The following KIRREL3 variants were observed in gnomAD, a reference collection of about 807,000 sequenced individuals.
KIRREL3 encodes the protein kirre like nephrin family adhesion molecule 3.
In KIRREL3, 36 loss-of-function variants were observed where a neutral mutation model predicts 89.7. The observed-to-expected ratio is 0.40, with a 90% CI of 0.31 to 0.53. The LOEUF (loss-of-function observed/expected upper bound fraction) is 0.53, where lower values mean the gene tolerates loss of function less well. Among genes scored for constraint, KIRREL3 ranks in the 20% least tolerant of loss-of-function variants. The probability of loss-of-function intolerance (pLI) is 0.49; values close to 1 mark genes in which losing one functional copy is unlikely to be tolerated. For synonymous variants in KIRREL3, 445 were observed against 441.4 expected, an observed-to-expected ratio of 1.01 and a Z score of -0.10; for missense variants, 864 against 1,056.6, an observed-to-expected ratio of 0.82 and a Z score of 2.53.
intron 10 of KIRREL3, among the ~76,000 whole-genome samples, chr11:126,442,684 A>G (rs1955627010): frequency 1.3e-5 from 2 of 152,206 alleles, no homozygotes; most frequent in Admixed American, 6.5e-5. Context: ...GGTCCCATCC[A>G]CTGGGCGTCC....
chr11:126,649,451 G>A (rs1382325498), intron 1 of KIRREL3, among the ~76,000 whole-genome samples: 1 of 152,282 alleles, frequency 6.6e-6, no homozygotes, highest in South Asian at 2.1e-4. Flanking sequence ...TTACTCCCTA[G>A]ATAAAATGAG....
chr11:126,949,366 C>G (rs1220061406), intron 1 of KIRREL3, among the ~76,000 whole-genome samples: 1 of 152,150 alleles, frequency 6.6e-6, no homozygotes, highest in Non-Finnish European at 1.5e-5. Flanking sequence ...CAGAACTGCT[C>G]TAAAGGGACT....
intron 8 of KIRREL3, among the ~76,000 whole-genome samples, chr11:126,448,279 C>CAAAAAAAAAAAA (rs55787866): frequency 1.0e-5 from 1 of 95,378 alleles, no homozygotes; most frequent in African/African-American, 4.1e-5. Flanking sequence ...GAGACTGTCT[C>CAAAAAAAAAAAA]AAAAAAAAAA....
At position 126,569,578 on chromosome 11, in the gene KIRREL3, A is replaced by T. The variant is rs4347407; in HGVS notation, c.56-6666T>A. 6.6e-6 allele frequency among the ~76,000 whole-genome samples: 1 copy of T among 152,224 alleles called. No individual in the cohort carries two copies. Among genetic ancestry groups the T allele is most frequent in the Admixed American group, 6.5e-5 (1 of 15,284 alleles). ...ATACTATAATCCAGTTGGCTATACAAGACATATACTTAAGAAAAGGTAACT... is the reference window on the plus strand; with the variant it reads ...ATACTATAATCCAGTTGGCTATACATGACATATACTTAAGAAAAGGTAACT... On this transcript the variant is annotated intron_variant, in intron 1 of 16. Coordinates refer to ENST00000525144, the MANE Select transcript of KIRREL3 (RefSeq NM_032531.4). The surrounding 1 kb of genome is among the most constrained non-coding windows in gnomAD (Gnocchi z 6.5).
chr11:126,538,080 G>A (rs568517174), intron 2 of KIRREL3, among the ~76,000 whole-genome samples: 65 of 152,028 alleles, frequency 4.3e-4, no homozygotes, highest in Non-Finnish European at 8.2e-4. Flanking sequence ...GAGAATGGAG[G>A]CTTTGCAAAT....
At chr11:126,984,930 C>A (rs1312543214) in intron 1 of KIRREL3, among the ~76,000 whole-genome samples, 3 of 152,142 alleles carry the variant, frequency 2.0e-5, no homozygotes, top group African/African-American at 7.2e-5. Flanking sequence ...ACTTTCCCAC[C>A]CACTACCTGT....
rs1400874237 is a variant in KIRREL3 at position 126,776,159 on chromosome 11, A to G, written c.56-213247T>C. Among the ~76,000 whole-genome samples, 2 of 152,116 alleles carry G rather than the reference A, an allele frequency of 1.3e-5. No homozygotes were observed. Among genetic ancestry groups the G allele is most frequent in the Admixed American group, 1.3e-4 (2 of 15,276 alleles). ...TCTGCCGGGAGCCCTGACCTCTAGA[A>G]GCTGGTCCAGGCTGGTTGGCAGGTG... On this transcript the variant is annotated intron_variant, in intron 1 of 16. Transcript: ENST00000525144. The surrounding 1 kb of genome is among the most constrained non-coding windows in gnomAD (Gnocchi z 4.7).
intron 1 of KIRREL3, among the ~76,000 whole-genome samples, chr11:126,951,786 C>A (rs1393911859): frequency 6.6e-6 from 1 of 152,200 alleles, no homozygotes; most frequent in Non-Finnish European, 1.5e-5. Context: ...GTGACAGAAA[C>A]AAAGGCAGGA....
At position 126,490,931 on chromosome 11, in the gene KIRREL3, T is replaced by G. The variant is rs150735684; in HGVS notation, c.434-17465A>C. On this transcript the variant is annotated intron_variant, in intron 4 of 16. Transcript: ENST00000525144. This position sits in a 1 kb window ranked among gnomAD's most constrained non-coding sequence, Gnocchi z 4.2. ...CTTAAGGGTGCAGGGGGTCCACAAA[T>G]GCCTGAGGATCCACAGCCCACCTGC... Among the ~76,000 whole-genome samples the G allele has an allele frequency of 1.6e-4, 24 of 152,226 alleles. No homozygotes were observed. The East Asian group carries it at 3.7e-3, about 23-fold the overall frequency.
rs185295245 is a variant in KIRREL3 at position 126,666,177 on chromosome 11, G to T, written c.56-103265C>A. Among the ~76,000 whole-genome samples the T allele has an allele frequency of 2.4e-4, 37 of 152,326 alleles. 1 individual carries two copies. Among genetic ancestry groups the T allele is most frequent in the Admixed American group, 2.4e-3 (36 of 15,306 alleles). On this transcript the variant is annotated intron_variant, in intron 1 of 16. Coordinates refer to ENST00000525144, the MANE Select transcript of KIRREL3 (RefSeq NM_032531.4). The surrounding 1 kb of genome is among the most constrained non-coding windows in gnomAD (Gnocchi z 4.2). ...AATAAATAAGTGCAGCAGGATCTTG[G>T]TTCCGCAGGAAGAGTGTGGATTCTT...
intron 1 of KIRREL3, among the ~76,000 whole-genome samples, chr11:126,972,565 G>C (rs921177343): frequency 2.6e-5 from 4 of 152,196 alleles, no homozygotes; most frequent in Admixed American, 2.6e-4. Flanking sequence ...ACACAGTCAC[G>C]TTACTGAAGG....
intron 1 of KIRREL3, among the ~76,000 whole-genome samples, chr11:126,670,102 G>A (rs1007949726): frequency 1.3e-5 from 2 of 152,092 alleles, no homozygotes; most frequent in African/African-American, 2.4e-5. Context: ...CACTGCCACT[G>A]TTCCAGTCCA....
chr11:126,688,427 T>C (rs1257685512), intron 1 of KIRREL3, among the ~76,000 whole-genome samples: 1 of 152,234 alleles, frequency 6.6e-6, no homozygotes, highest in Non-Finnish European at 1.5e-5. Flanking sequence ...GTTGGAAACT[T>C]CTCAAATATT....
intron 2 of KIRREL3, among the ~76,000 whole-genome samples, chr11:126,536,097 G>C (rs1251983692): frequency 6.6e-6 from 1 of 152,196 alleles, no homozygotes; most frequent in Non-Finnish European, 1.5e-5. Flanking sequence ...AGGGGACAGA[G>C]TGAGACTCCA....
At chr11:126,699,690 C>A (rs972407464) in intron 1 of KIRREL3, among the ~76,000 whole-genome samples, 10 of 152,086 alleles carry the variant, frequency 6.6e-5, no homozygotes, top group Non-Finnish European at 1.0e-4. Flanking sequence ...ATGCTCACTG[C>A]CACATGTGGC....
Position 126,917,408 on chromosome 11 carries a change from T to G in KIRREL3, c.55+83047A>C, listed in dbSNP as rs1947083706. 6.6e-6 allele frequency among the ~76,000 whole-genome samples: 1 copy of G among 152,164 alleles called. No homozygotes were observed. Among genetic ancestry groups the G allele is most frequent in the Admixed American group, 6.5e-5 (1 of 15,280 alleles). ...TGGTTGCACAACATTGTCAATATAG[T>G]TAATGCCACTAAACCGTATACTTAA... is the stretch of plus-strand genomic sequence containing the variant. On this transcript the variant is annotated intron_variant, in intron 1 of 16. Coordinates refer to ENST00000525144, the MANE Select transcript of KIRREL3 (RefSeq NM_032531.4). The surrounding 1 kb of genome is among the most constrained non-coding windows in gnomAD (Gnocchi z 5.0).
chr11:126,431,279 A>T lies in KIRREL3; in HGVS notation c.1696+140T>A. 6.5e-7 allele frequency: 1 copy of T among 1,549,550 alleles called. No individual in the cohort carries two copies. The highest frequency in any genetic ancestry group is 8.7e-7 in the Non-Finnish European group (1 of 1,145,658). On this transcript the variant is annotated intron_variant, in intron 14 of 16. Coordinates refer to ENST00000525144, the MANE Select transcript of KIRREL3 (RefSeq NM_032531.4). This position sits in a 1 kb window ranked among gnomAD's most constrained non-coding sequence, Gnocchi z 7.1. ...AGGCTCACATACACCGATGCATCAG[A>T]CCCACTCCCTGCCCCAGGAGCTCAC...
intron 1 of KIRREL3, among the ~76,000 whole-genome samples, chr11:126,700,546 C>T (rs1284424060): frequency 6.6e-6 from 1 of 152,234 alleles, no homozygotes; most frequent in East Asian, 1.9e-4. Context: ...CCTAATATCT[C>T]CCTTTACTAA....
rs900970118 is a variant in KIRREL3 at position 126,990,431 on chromosome 11, C to G, written c.55+10024G>C. On this transcript the variant is annotated intron_variant, in intron 1 of 16. Transcript: ENST00000525144. The surrounding 1 kb of genome is among the most constrained non-coding windows in gnomAD (Gnocchi z 6.3). The stretch of plus-strand genomic sequence containing the variant: ...CCCAGAGGCGAGGAGGAGAGCCCCC[C>G]ATCCCTCCCGTCCCTTCCCAGCTCC... Among the ~76,000 whole-genome samples the G allele has an allele frequency of 1.3e-5, 2 of 152,186 alleles. No homozygotes were observed. Among genetic ancestry groups the G allele is most frequent in the Non-Finnish European group, 2.9e-5 (2 of 68,024 alleles).
Sources: allele counts gnomAD v4.1 joint callset (sites outside exome capture counted in the v4.1 genomes callset), GRCh38; gene constraint gnomAD v4.1.1; non-coding constraint Gnocchi (gnomAD v3.1); transcripts MANE v1.5; gene names NCBI Gene and HGNC (gene_info 2026-07-23, HGNC 2026-07-21).